Variants in LMNTD1 observed in about 807,000 individuals in gnomAD.
The protein encoded by LMNTD1 is lamin tail domain-containing protein 1.
LMNTD1 carries 35 observed loss-of-function variants against 50.9 expected under a neutral mutation model. The observed-to-expected ratio is 0.69, with a 90% CI of 0.53 to 0.91. LMNTD1 has a LOEUF of 0.91. Among genes scored for constraint, LMNTD1 ranks in the 40% least tolerant of loss-of-function variants. The pLI, the probability that LMNTD1 is intolerant of heterozygous loss-of-function variation, is 0.00. For missense variants in LMNTD1, 470 were observed against 475.5 expected, an observed-to-expected ratio of 0.99 and a Z score of 0.11; for synonymous variants, 153 against 161.9, an observed-to-expected ratio of 0.94 and a Z score of 0.42.
At chr12:25,505,497 TCTTA>T (rs1377081297) in intron 8 of LMNTD1, among the ~76,000 whole-genome samples, 11 of 152,192 alleles carry the variant, frequency 7.2e-5, no homozygotes, top group East Asian at 1.9e-4. Flanking sequence ...CATAAACTGT[TCTTA>T]CTTGTCTATT....
chr12:25,595,484 G>C (rs1287067910), intron 1 of LMNTD1, among the ~76,000 whole-genome samples: 3 of 151,990 alleles, frequency 2.0e-5, no homozygotes, highest in Non-Finnish European at 4.4e-5. Context: ...ATGATCATTG[G>C]GTCAAAAATG....
intron 8 of LMNTD1, among the ~76,000 whole-genome samples, chr12:25,511,987 C>A (rs929313769): frequency 5.3e-5 from 8 of 152,178 alleles, no homozygotes; most frequent in African/African-American, 1.9e-4. Flanking sequence ...CTCCCCTGAG[C>A]CTTTTCCATT....
At chr12:25,638,596 C>T (rs116790334) in intron 1 of LMNTD1, among the ~76,000 whole-genome samples, 2,766 of 151,634 alleles carry the variant, frequency 0.018, 80 homozygotes, top group African/African-American at 0.063. Flanking sequence ...GGCACCAAAA[C>T]GAATAAAGTA....
chr12:25,635,912 G>A (rs1946823671), intron 1 of LMNTD1, among the ~76,000 whole-genome samples: 1 of 152,316 alleles, frequency 6.6e-6, no homozygotes, highest in South Asian at 2.1e-4. Flanking sequence ...AAATGGTGCT[G>A]GGATAATTGG....
rs1274225741 is a variant in LMNTD1 at position 25,495,127 on chromosome 12, T to C, written c.*22+8611A>G. ...AAAAGAACTCTAGCCCTGATACTTATCTGAGAATTTGGATTTCTCTTCAAA... is the reference window on the plus strand; with the variant it reads ...AAAAGAACTCTAGCCCTGATACTTACCTGAGAATTTGGATTTCTCTTCAAA... On this transcript the variant is annotated intron_variant, in intron 9 of 9. Transcript: ENST00000458174. 2.0e-5 allele frequency among the ~76,000 whole-genome samples: 3 copies of C among 152,160 alleles called. 1 individual carries two copies. The highest frequency in any genetic ancestry group is 2.9e-5 in the Non-Finnish European group (2 of 68,004).
chr12:25,560,136 G>T (rs139365497), intron 1 of LMNTD1, among the ~76,000 whole-genome samples: 1 of 152,160 alleles, frequency 6.6e-6, no homozygotes, highest in African/African-American at 2.4e-5. Context: ...GTCCTGAATG[G>T]TATTGCCTAG....
At chr12:25,630,285 G>A (rs575666458) in intron 1 of LMNTD1, among the ~76,000 whole-genome samples, 36 of 152,272 alleles carry the variant, frequency 2.4e-4, no homozygotes, top group African/African-American at 8.7e-4. Context: ...TATCTAAAAT[G>A]TTCCATTTTT....
intron 1 of LMNTD1, among the ~76,000 whole-genome samples, chr12:25,569,190 C>CCATT (rs1944681014): frequency 1.3e-5 from 2 of 151,896 alleles, no homozygotes; most frequent in Non-Finnish European, 2.9e-5. Context: ...AGGAGTCCAC[C>CCATT]CATTATACAG....
intron 1 of LMNTD1, among the ~76,000 whole-genome samples, chr12:25,596,538 C>T (rs1600351): frequency 0.59 from 89,087 of 151,892 alleles, 28,022 homozygotes; most frequent in Non-Finnish European, 0.72. Context: ...CTTTATGCCA[C>T]GTTTACAGTA....
chr12:25,641,408 C>T (rs1946957486), intron 1 of LMNTD1, among the ~76,000 whole-genome samples: 1 of 151,950 alleles, frequency 6.6e-6, no homozygotes, highest in South Asian at 2.1e-4. Flanking sequence ...GGTTTATTGT[C>T]AGGAAAAAAA....
chr12:25,612,304 A>ACG (rs1946263645), intron 1 of LMNTD1, among the ~76,000 whole-genome samples: 1 of 89,306 alleles, frequency 1.1e-5, no homozygotes, highest in Non-Finnish European at 2.7e-5. Flanking sequence ...ACACACACAC[A>ACG]CACACACACA....
At chr12:25,506,566 A>G (rs546497293) in intron 8 of LMNTD1, among the ~76,000 whole-genome samples, 1 of 152,158 alleles carries the variant, frequency 6.6e-6, no homozygotes, top group South Asian at 2.1e-4. Flanking sequence ...TCAGAGCAAG[A>G]AGAAAGCACA....
chr12:25,586,694 T>A (rs1945535318), intron 1 of LMNTD1, among the ~76,000 whole-genome samples: 1 of 152,136 alleles, frequency 6.6e-6, no homozygotes, highest in Non-Finnish European at 1.5e-5. Context: ...TCCTAGACAT[T>A]AGATTGGGGC....
intron 1 of LMNTD1, among the ~76,000 whole-genome samples, chr12:25,631,832 G>A (rs1592123008): frequency 6.6e-6 from 1 of 152,036 alleles, no homozygotes; most frequent in South Asian, 2.1e-4. Context: ...AATTCAAGAG[G>A]TTAGTTATTA....
chr12:25,507,750 C>A (rs1278246246), intron 8 of LMNTD1, among the ~76,000 whole-genome samples: 1 of 152,168 alleles, frequency 6.6e-6, no homozygotes, highest in Non-Finnish European at 1.5e-5. Flanking sequence ...AAAAACAGTT[C>A]TTATTATTGA....
At chr12:25,564,103 G>A (rs769702993) in intron 1 of LMNTD1, among the ~76,000 whole-genome samples, 5 of 152,164 alleles carry the variant, frequency 3.3e-5, no homozygotes, top group Non-Finnish European at 5.9e-5. Context: ...CGCTTCCCAG[G>A]TGAGGCAATG....
intron 4 of LMNTD1, among the ~76,000 whole-genome samples, chr12:25,538,288 G>C (rs1942766358): frequency 6.9e-6 from 1 of 145,124 alleles, no homozygotes; most frequent in Non-Finnish European, 1.5e-5. Flanking sequence ...CACCAAAGTT[G>C]AAATGAAGGA....
intron 1 of LMNTD1, among the ~76,000 whole-genome samples, chr12:25,637,499 C>T (rs915159489): frequency 2.1e-4 from 32 of 152,024 alleles, no homozygotes; most frequent in Admixed American, 1.4e-3. Flanking sequence ...AGAACTTTAA[C>T]GATAGATTTA....
intron 1 of LMNTD1, among the ~76,000 whole-genome samples, chr12:25,631,720 G>A (rs1946723060): frequency 6.6e-6 from 1 of 152,042 alleles, no homozygotes; most frequent in African/African-American, 2.4e-5. Flanking sequence ...ACCAACCATG[G>A]TAATATGACA....
Sources: allele counts gnomAD v4.1 joint callset (sites outside exome capture counted in the v4.1 genomes callset), GRCh38; gene constraint gnomAD v4.1.1; transcripts MANE v1.5; gene names NCBI Gene and HGNC (gene_info 2026-07-23, HGNC 2026-07-21).